SCOC: variants seen among roughly 807,000 people sequenced by gnomAD.
The protein encoded by SCOC is short coiled coil protein.
A neutral mutation model predicts 9.9 loss-of-function variants in SCOC; 7 were observed. That is an observed-to-expected ratio of 0.71 (90% CI 0.40 to 1.33). SCOC has a LOEUF of 1.33. Among genes scored for constraint, SCOC ranks in the 40% most tolerant of loss-of-function variants. The pLI is 0.01. For synonymous variants in SCOC, 19 were observed against 28.2 expected (o/e 0.67, Z 1.03); for missense variants, 66 against 89.7 (o/e 0.74, Z 1.07).
intron 2 of SCOC, among the ~76,000 whole-genome samples, chr4:140,355,246 T>C (rs1363582468): frequency 1.4e-5 from 2 of 147,046 alleles, no homozygotes; most frequent in African/African-American, 5.0e-5. Flanking sequence ...TATATATATA[T>C]ATAATGTATA....
At chr4:140,293,841 C>T (rs1731546797) in intron 1 of SCOC, among the ~76,000 whole-genome samples, 3 of 152,112 alleles carry the variant, frequency 2.0e-5, no homozygotes, top group Admixed American at 2.0e-4. Context: ...TTCATGGAGG[C>T]AGCCATCAAG....
chr4:140,383,130 A>G lies in SCOC; in HGVS notation c.*2026A>G, dbSNP rs1728621748. 6.6e-6 allele frequency: 1 copy of G among 152,214 alleles called. No individual in the cohort carries two copies. Among genetic ancestry groups the G allele is most frequent in the African/African-American group, 2.4e-5 (1 of 41,432 alleles). 9.4% of individuals were successfully genotyped at this position (152,214 alleles called of 1,614,324 possible). A position where few individuals can be genotyped will look rare whatever the true frequency, so the allele number is the denominator to read the frequency against. On this transcript the variant is annotated 3_prime_UTR_variant, in exon 4 of 4. Transcript: ENST00000608372. ...TGGAGACTTAGTTACATCTAGATACAAGAGGAGCTGAGAAATGTAGTCCCT... is the reference window on the plus strand; with the variant it reads ...TGGAGACTTAGTTACATCTAGATACGAGAGGAGCTGAGAAATGTAGTCCCT...
intron 1 of SCOC, among the ~76,000 whole-genome samples, chr4:140,322,150 C>G (rs1732517838): frequency 6.6e-6 from 1 of 152,134 alleles, no homozygotes; most frequent in South Asian, 2.1e-4. Flanking sequence ...TTATAGTAGT[C>G]TAAAACAGAC....
intron 1 of SCOC, among the ~76,000 whole-genome samples, chr4:140,322,754 C>A (rs1732536241): frequency 6.6e-6 from 1 of 152,000 alleles, no homozygotes; most frequent in Non-Finnish European, 1.5e-5. Context: ...TCTCAGTCTG[C>A]CACGTAAAGA....
At chr4:140,306,466 T>G (rs1042415591) in intron 1 of SCOC, among the ~76,000 whole-genome samples, 1 of 150,596 alleles carries the variant, frequency 6.6e-6, no homozygotes, top group African/African-American at 2.4e-5. Context: ...ATAAAGAAAA[T>G]GAATAGGGGA....
At chr4:140,364,649 T>A (rs1578864968) in intron 2 of SCOC, among the ~76,000 whole-genome samples, 1 of 152,152 alleles carries the variant, frequency 6.6e-6, no homozygotes, top group African/African-American at 2.4e-5. Context: ...AAGAAAAACA[T>A]CAGCTGCCAG....
chr4:140,373,338 T>G (rs1237253116), upstream of SCOC: 18 of 1,417,156 alleles, frequency 1.3e-5, no homozygotes, highest in East Asian at 3.4e-4. Flanking sequence ...CTCACTCCAA[T>G]TCTCAGGTTT....
chr4:140,278,006 T>A (rs1167133869), intron 1 of SCOC, among the ~76,000 whole-genome samples: 2 of 152,250 alleles, frequency 1.3e-5, no homozygotes, highest in Admixed American at 6.5e-5. Context: ...GTTCACACAG[T>A]TTATATAATT....
chr4:140,288,991 G>T (rs1731387792), intron 1 of SCOC, among the ~76,000 whole-genome samples: 1 of 151,798 alleles, frequency 6.6e-6, no homozygotes, highest in Non-Finnish European at 1.5e-5. Context: ...CACACATGCA[G>T]AAATCTCTTC....
intron 1 of SCOC, among the ~76,000 whole-genome samples, chr4:140,306,328 C>T (rs114855986): frequency 9.9e-5 from 15 of 152,108 alleles, no homozygotes; most frequent in South Asian, 4.2e-4. Context: ...GTCTTTCCCA[C>T]GACAAGTGGG....
At chr4:140,263,652 A>C (rs1176283662) in intron 1 of SCOC, among the ~76,000 whole-genome samples, 5 of 152,184 alleles carry the variant, frequency 3.3e-5, no homozygotes, top group Admixed American at 3.3e-4. Context: ...CTCAAATGGG[A>C]TAATTGGAAA....
chr4:140,375,483 G>A (rs1728305672), intron 1 of SCOC, among the ~76,000 whole-genome samples: 1 of 152,180 alleles, frequency 6.6e-6, no homozygotes, highest in African/African-American at 2.4e-5. Flanking sequence ...TTGAATCCAG[G>A]TAATCTGAAT....
upstream of SCOC, chr4:140,373,496 G>A (rs1196403012): frequency 1.3e-5 from 20 of 1,551,474 alleles, no homozygotes; most frequent in Admixed American, 1.8e-4. Flanking sequence ...GGTGGATCCC[G>A]GTGCTTTGAG....
At chr4:140,320,162 G>A (rs1237646525) in intron 1 of SCOC, among the ~76,000 whole-genome samples, 3 of 152,116 alleles carry the variant, frequency 2.0e-5, no homozygotes, top group Non-Finnish European at 2.9e-5. Flanking sequence ...TAAAGAAGCC[G>A]GCTAAAACCC....
At chr4:140,373,456 T>C, upstream of SCOC, 1 of 1,546,170 alleles carries the variant, frequency 6.5e-7, no homozygotes, top group Non-Finnish European at 8.7e-7. Flanking sequence ...CAATCCTGAT[T>C]GGATGTCAGT....
chr4:140,302,291 T>C (rs915327831), intron 1 of SCOC, among the ~76,000 whole-genome samples: 5 of 152,192 alleles, frequency 3.3e-5, no homozygotes, highest in African/African-American at 1.2e-4. Context: ...AAAGGGGTCT[T>C]TGTCTTTTCA....
intron 1 of SCOC, among the ~76,000 whole-genome samples, chr4:140,288,441 T>C (rs1158476776): frequency 7.1e-6 from 1 of 140,016 alleles, no homozygotes; most frequent in Non-Finnish European, 1.5e-5. Flanking sequence ...ACATCACACA[T>C]GTACACATCA....
chr4:140,329,778 G>A (rs57511848), intron 1 of SCOC, among the ~76,000 whole-genome samples: 44,473 of 151,914 alleles, frequency 0.29, 9,102 homozygotes, highest in African/African-American at 0.59. Flanking sequence ...AAGTATGGCC[G>A]TAATCAAAAA....
chr4:140,326,159 GTGGTT>G (rs1365333562), intron 1 of SCOC, among the ~76,000 whole-genome samples: 1 of 152,142 alleles, frequency 6.6e-6, no homozygotes, highest in African/African-American at 2.4e-5. Context: ...CAGTGGTTCA[GTGGTT>G]AGCAGGGTTG....
Sources: allele counts gnomAD v4.1 joint callset (sites outside exome capture counted in the v4.1 genomes callset), GRCh38; gene constraint gnomAD v4.1.1; transcripts MANE v1.5; gene names NCBI Gene and HGNC (gene_info 2026-07-23, HGNC 2026-07-21).